The following CCDC146 variants were observed in gnomAD, a reference collection of about 807,000 sequenced individuals.
CCDC146 encodes coiled-coil domain-containing protein 146.
In CCDC146, 92 loss-of-function variants were observed where a neutral mutation model predicts 119.3. The observed-to-expected ratio is 0.77, with a 90% CI of 0.65 to 0.92. The LOEUF (loss-of-function observed/expected upper bound fraction) is 0.92. CCDC146 is among the 40% of genes least tolerant of loss of function. The pLI is 0.00. For missense variants in CCDC146, 1,000 were observed against 1,103.0 expected, an observed-to-expected ratio of 0.91 and a Z score of 1.32; for synonymous variants, 372 against 371.8, an observed-to-expected ratio of 1.00 and a Z score of -0.01.
At chr7:77,183,547 A>G (rs1791620692) in intron 2 of CCDC146, among the ~76,000 whole-genome samples, 2 of 152,010 alleles carry the variant, frequency 1.3e-5, no homozygotes, top group Non-Finnish European at 2.9e-5. Flanking sequence ...CTGGTTTTCC[A>G]CCCTGCTGAT....
chr7:77,156,180 G>A (rs1481016022), intron 1 of CCDC146, among the ~76,000 whole-genome samples: 1 of 152,170 alleles, frequency 6.6e-6, no homozygotes, highest in East Asian at 1.9e-4. Flanking sequence ...AATCTAAGAG[G>A]TAACTGTTTA....
intron 9 of CCDC146, among the ~76,000 whole-genome samples, chr7:77,265,229 T>G (rs1225141006): frequency 6.6e-6 from 1 of 152,206 alleles, no homozygotes; most frequent in Non-Finnish European, 1.5e-5. Flanking sequence ...GACGGAAACC[T>G]CAGTGTAATG....
chr7:77,156,234 G>T (rs565025570), intron 1 of CCDC146, among the ~76,000 whole-genome samples: 2 of 152,194 alleles, frequency 1.3e-5, no homozygotes, highest in African/African-American at 4.8e-5. Context: ...TGCACTTGAA[G>T]CTTTCTTTCA....
intron 1 of CCDC146, among the ~76,000 whole-genome samples, chr7:77,137,430 G>T: frequency 6.9e-6 from 1 of 145,006 alleles, no homozygotes; most frequent in Non-Finnish European, 1.5e-5. Context: ...AGTTTATTTT[G>T]CAAACGTCAG....
chr7:77,292,533 C>T (rs55662359), intron 17 of CCDC146, among the ~76,000 whole-genome samples: 2,950 of 148,588 alleles, frequency 0.02, 85 homozygotes, highest in African/African-American at 0.069. Context: ...AGGAGAATGG[C>T]GTGAACCTGG....
intron 1 of CCDC146, among the ~76,000 whole-genome samples, chr7:77,136,119 G>A (rs1407405357): frequency 1.3e-5 from 2 of 152,202 alleles, no homozygotes; most frequent in Non-Finnish European, 2.9e-5. Flanking sequence ...ACGTATCAAC[G>A]TTTGTGGAAT....
intron 1 of CCDC146, among the ~76,000 whole-genome samples, chr7:77,143,229 G>C (rs576870901): frequency 2.0e-5 from 3 of 151,684 alleles, no homozygotes; most frequent in African/African-American, 7.3e-5. Context: ...AGAAGTGTCT[G>C]TTCATATCCT....
chr7:77,239,584 T>C (rs1463095256), intron 3 of CCDC146, among the ~76,000 whole-genome samples: 2 of 152,338 alleles, frequency 1.3e-5, no homozygotes, highest in East Asian at 3.9e-4. Context: ...ATTGGGCGTC[T>C]CTGCAAATGA....
intron 15 of CCDC146, among the ~76,000 whole-genome samples, chr7:77,283,270 A>G (rs1379157440): frequency 6.6e-6 from 1 of 152,224 alleles, no homozygotes; most frequent in Non-Finnish European, 1.5e-5. Context: ...GTTCTATGAT[A>G]GCTTAGTAAC....
chr7:77,157,539 T>C (rs1791195991), intron 1 of CCDC146, among the ~76,000 whole-genome samples: 1 of 152,234 alleles, frequency 6.6e-6, no homozygotes, highest in Non-Finnish European at 1.5e-5. Context: ...TGATGTGTAT[T>C]ACAAAACAAG....
intron 3 of CCDC146, among the ~76,000 whole-genome samples, chr7:77,240,708 A>C (rs1431218229): frequency 6.6e-6 from 1 of 152,234 alleles, no homozygotes; most frequent in African/African-American, 2.4e-5. Context: ...AAAATAATAT[A>C]CGAAGTTCCC....
chr7:77,273,311 A>G (rs1448604388), intron 9 of CCDC146, among the ~76,000 whole-genome samples: 3 of 152,350 alleles, frequency 2.0e-5, no homozygotes, highest in African/African-American at 4.8e-5. Flanking sequence ...AATGTTAGCT[A>G]TTAGTAAGAT....
chr7:77,200,443 G>A (rs527307784), intron 2 of CCDC146, among the ~76,000 whole-genome samples: 1 of 152,346 alleles, frequency 6.6e-6, no homozygotes, highest in African/African-American at 2.4e-5. Context: ...GTAGCATAGT[G>A]TATATTAATG....
intron 17 of CCDC146, among the ~76,000 whole-genome samples, chr7:77,292,099 T>C (rs1164119174): frequency 3.3e-5 from 5 of 151,946 alleles, no homozygotes; most frequent in Non-Finnish European, 7.4e-5. Context: ...AGTTCAAAAC[T>C]AGCCTTGTCA....
intron 2 of CCDC146, among the ~76,000 whole-genome samples, chr7:77,226,296 C>A (rs910326138): frequency 6.6e-6 from 1 of 152,186 alleles, no homozygotes; most frequent in Admixed American, 6.5e-5. Flanking sequence ...GCCAGCCATT[C>A]CCCAGAATGA....
intron 11 of CCDC146, among the ~76,000 whole-genome samples, chr7:77,276,956 C>T (rs903336001): frequency 5.3e-5 from 8 of 152,096 alleles, no homozygotes; most frequent in African/African-American, 1.9e-4. Context: ...CCTGTAATCC[C>T]GGCTACTCAG....
intron 3 of CCDC146, among the ~76,000 whole-genome samples, chr7:77,239,925 C>G (rs1304632330): frequency 6.6e-6 from 1 of 152,190 alleles, no homozygotes; most frequent in African/African-American, 2.4e-5. Context: ...CTCCCTCTAC[C>G]GTGACCTTCA....
chr7:77,255,777 T>G (rs1358770133), intron 5 of CCDC146, among the ~76,000 whole-genome samples: 2 of 152,180 alleles, frequency 1.3e-5, no homozygotes, highest in Non-Finnish European at 2.9e-5. Flanking sequence ...TCTTTGATGA[T>G]TCTGGGGTAG....
intron 1 of CCDC146, among the ~76,000 whole-genome samples, 155 bp from the exon 2 acceptor site, chr7:77,167,503 T>A (rs1016973281): frequency 6.6e-6 from 1 of 152,144 alleles, no homozygotes; most frequent in Admixed American, 6.5e-5. Context: ...AAAAACAGTC[T>A]TTTATAATGA....
Sources: gnomAD v4.1 joint callset for allele counts (sites outside exome capture counted in the v4.1 genomes callset) on GRCh38, gnomAD v4.1.1 for gene constraint, MANE v1.5 for transcripts, NCBI Gene and HGNC (gene_info 2026-07-23, HGNC 2026-07-21) for gene names.